The following NBEA variants were observed in gnomAD, a reference collection of about 807,000 sequenced individuals.
The protein encoded by NBEA is neurobeachin, also known as lysosomal-trafficking regulator 2.
Under a neutral mutation model 343.4 loss-of-function variants are expected in NBEA, and 44 were observed. The ratio of observed to expected loss-of-function variants is 0.13; its 90% CI spans 0.10 to 0.16. The LOEUF (loss-of-function observed/expected upper bound fraction) is 0.16. Ranked by LOEUF, NBEA falls within the 10% of genes least tolerant of loss-of-function variation. NBEA has a pLI of 1.00. For missense variants in NBEA, 2,555 were observed against 3,631.3 expected (o/e 0.70, Z 7.62); for synonymous variants, 1,175 against 1,238.7 (o/e 0.95, Z 1.08).
intron 38 of NBEA, among the ~76,000 whole-genome samples, chr13:35,415,707 G>T (rs903236471): frequency 6.6e-6 from 1 of 152,052 alleles, no homozygotes; most frequent in Admixed American, 6.6e-5. Flanking sequence ...GGATTGACTT[G>T]GCGATGTGGG....
chr13:35,084,408 A>G (rs970037420), intron 10 of NBEA, among the ~76,000 whole-genome samples: 8 of 152,224 alleles, frequency 5.3e-5, no homozygotes, highest in African/African-American at 1.9e-4. Context: ...CAGTCAAACT[A>G]GAACTCAGGA....
chr13:35,048,061 C>G (rs769925889), intron 4 of NBEA, among the ~76,000 whole-genome samples: 7 of 151,704 alleles, frequency 4.6e-5, no homozygotes, highest in South Asian at 4.1e-4. Context: ...CATACTTTGC[C>G]TTTCTTAGTT....
chr13:35,191,424 A>G (rs1016390729), intron 30 of NBEA, among the ~76,000 whole-genome samples: 2 of 152,156 alleles, frequency 1.3e-5, no homozygotes, highest in African/African-American at 4.8e-5. Flanking sequence ...CGTATAAGTT[A>G]GTAATAATAT....
At chr13:35,522,949 T>A (rs2077789449) in intron 41 of NBEA, among the ~76,000 whole-genome samples, 1 of 150,806 alleles carries the variant, frequency 6.6e-6, no homozygotes, top group Admixed American at 6.6e-5. Context: ...GCTTTATCAG[T>A]GAAAATAAAA....
intron 43 of NBEA, among the ~76,000 whole-genome samples, chr13:35,553,413 A>G (rs1172900940): frequency 6.6e-6 from 1 of 152,044 alleles, no homozygotes; most frequent in Non-Finnish European, 1.5e-5. Flanking sequence ...CCAAGTGGCA[A>G]TGGGGAAACA....
At chr13:34,975,523 G>A (rs987609877) in intron 1 of NBEA, among the ~76,000 whole-genome samples, 1 of 152,088 alleles carries the variant, frequency 6.6e-6, no homozygotes, top group African/African-American at 2.4e-5. Context: ...ATTGGCTTAG[G>A]CAAAGACTTC....
chr13:35,211,688 G>A (rs1022992554), intron 33 of NBEA, among the ~76,000 whole-genome samples: 7 of 151,986 alleles, frequency 4.6e-5, no homozygotes, highest in African/African-American at 7.3e-5. Flanking sequence ...GGTGGTGCAC[G>A]CCTGTAATCC....
At chr13:35,054,438 A>G (rs2152565356) in intron 6 of NBEA, among the ~76,000 whole-genome samples, 1 of 152,144 alleles carries the variant, frequency 6.6e-6, no homozygotes, top group East Asian at 1.9e-4. Context: ...GGGCTAACAT[A>G]TATGTTGGTT....
intron 49 of NBEA, among the ~76,000 whole-genome samples, chr13:35,635,267 A>G (rs2083647591): frequency 6.6e-6 from 1 of 152,052 alleles, no homozygotes; most frequent in Non-Finnish European, 1.5e-5. Flanking sequence ...AGGAATATCA[A>G]CACCACCTGC....
intron 10 of NBEA, among the ~76,000 whole-genome samples, chr13:35,093,186 G>A (rs574176413): frequency 1.3e-5 from 2 of 151,942 alleles, no homozygotes; most frequent in African/African-American, 4.8e-5. Context: ...TATTGAGAAG[G>A]TGTGGCTATA....
At chr13:35,171,042 A>C in intron 25 of NBEA, 3 of 633,724 alleles carry the variant, frequency 4.7e-6, no homozygotes, top group Non-Finnish European at 8.7e-6. Context: ...ATTTAAAACT[A>C]ATGTTGATTT....
chr13:35,468,126 T>G (rs1191349609), intron 40 of NBEA, among the ~76,000 whole-genome samples: 1 of 36,192 alleles, frequency 2.8e-5, no homozygotes, highest in African/African-American at 1.1e-4. Flanking sequence ...CCCACTCCCC[T>G]CCCCTGAAAA....
chr13:35,169,483 G>A (rs2070300860), intron 25 of NBEA, among the ~76,000 whole-genome samples: 1 of 151,196 alleles, frequency 6.6e-6, no homozygotes, highest in Admixed American at 6.6e-5. Context: ...ACACTTTGAT[G>A]GATTATATGG....
At chr13:35,156,902 A>G (rs2069210298) in intron 20 of NBEA, among the ~76,000 whole-genome samples, 176 bp from the exon 21 acceptor site, 1 of 152,204 alleles carries the variant, frequency 6.6e-6, no homozygotes, top group South Asian at 2.1e-4. Flanking sequence ...TTTTCCTGGT[A>G]GAGAAATAAG....
intron 39 of NBEA, among the ~76,000 whole-genome samples, chr13:35,438,788 G>A (rs1461906504): frequency 6.6e-6 from 1 of 152,016 alleles, no homozygotes; most frequent in Non-Finnish European, 1.5e-5. Flanking sequence ...TTCACCCTAT[G>A]GTTTTTACAG....
intron 1 of NBEA, among the ~76,000 whole-genome samples, chr13:35,036,434 A>T (rs2062444616): frequency 1.3e-5 from 2 of 152,092 alleles, no homozygotes; most frequent in African/African-American, 4.8e-5. Flanking sequence ...GTAGTTTGCA[A>T]ACCACAGTAA....
rs377101802 is a variant in NBEA at position 35,072,664 on chromosome 13, C to T, written c.1571+1812C>T. Among the ~76,000 whole-genome samples the T allele has an allele frequency of 5.9e-5, 9 of 152,158 alleles. No individual in the cohort carries two copies. In the East Asian group the frequency reaches 1.4e-3, roughly 23 times the overall value. ...GCAACCTCTGCTTCCCAGATTCAAG[C>T]AATTCCCTTGCCTAAGCCTCCCAAG... On this transcript the variant is annotated intron_variant, in intron 10 of 58. Transcript: ENST00000379939.
intron 38 of NBEA, among the ~76,000 whole-genome samples, chr13:35,413,146 G>C (rs1477318680): frequency 3.3e-5 from 5 of 152,124 alleles, no homozygotes; most frequent in Non-Finnish European, 1.5e-5. Context: ...TTATTAGCTG[G>C]AGGAGGTCAC....
Position 35,645,891 on chromosome 13 carries a change from G to C in NBEA, c.7640G>C (p.Arg2547Thr), listed in dbSNP as rs778985811. ...LREIPEAYFIRDPHTFLLTKD... is the reference protein window; with the variant it reads ...LREIPEAYFITDPHTFLLTKD... ...AAGATTCCAGAAGCTTATTTCATTAGAGACCCCCACACTTTCCTTCTTACA... is the reference window on the plus strand; with the variant it reads ...AAGATTCCAGAAGCTTATTTCATTACAGACCCCCACACTTTCCTTCTTACA... The change falls in exon 50 of 59, where the codon AGA becomes ACA. Residue 2547 changes from arginine to threonine, a missense_variant. By Grantham distance (71) the Arg-to-Thr change is moderately conservative. Transcript: ENST00000379939. 5.1e-6 allele frequency: 8 copies of C among 1,576,266 alleles called. No individual in the cohort carries two copies. Among genetic ancestry groups the C allele is most frequent in the Non-Finnish European group, 6.9e-6 (8 of 1,156,962 alleles).
Sources: allele counts gnomAD v4.1 joint callset (sites outside exome capture counted in the v4.1 genomes callset), GRCh38; gene constraint gnomAD v4.1.1; transcripts MANE v1.5; gene names NCBI Gene and HGNC (gene_info 2026-07-23, HGNC 2026-07-21).